Variants in DLC1 observed in about 807,000 individuals in gnomAD.
The protein encoded by DLC1 is rho GTPase-activating protein 7.
Under a neutral mutation model 140.3 loss-of-function variants are expected in DLC1, and 54 were observed. That is an observed-to-expected ratio of 0.38 (90% CI 0.31 to 0.48). The LOEUF is 0.48. Among genes scored for constraint, DLC1 ranks in the 20% least tolerant of loss-of-function variants. DLC1 has a pLI of 0.96. For missense variants in DLC1, 2,536 were observed against 1,907.0 expected, an observed-to-expected ratio of 1.33 and a Z score of -6.14; for synonymous variants, 986 against 728.1, an observed-to-expected ratio of 1.35 and a Z score of -5.70.
chr8:13,583,560 T>A (rs56844084), intron 1 of DLC1, among the ~76,000 whole-genome samples: 2 of 152,082 alleles, frequency 1.3e-5, no homozygotes, highest in Admixed American at 6.6e-5. Context: ...AATCAACTTT[T>A]TCCAATAGGT....
At chr8:13,535,556 C>T (rs1803248009) in intron 1 of DLC1, among the ~76,000 whole-genome samples, 1 of 150,806 alleles carries the variant, frequency 6.6e-6, no homozygotes, top group Non-Finnish European at 1.5e-5. Flanking sequence ...CAATTATTCT[C>T]TTCATAAAGT....
At chr8:13,385,228 G>C (rs1016293713) in intron 4 of DLC1, among the ~76,000 whole-genome samples, 1 of 152,122 alleles carries the variant, frequency 6.6e-6, no homozygotes, top group Non-Finnish European at 1.5e-5. Context: ...CTGATACAAA[G>C]ATAGGACCTT....
chr8:13,479,889 AAAAG>A (rs1442756364), intron 2 of DLC1, among the ~76,000 whole-genome samples: 26 of 145,570 alleles, frequency 1.8e-4, no homozygotes, highest in African/African-American at 6.8e-4. Context: ...GAAAGAAAGA[AAAAG>A]AAAGAAAGAA....
At chr8:13,481,706 T>C (rs1429632327) in intron 2 of DLC1, among the ~76,000 whole-genome samples, 1 of 152,200 alleles carries the variant, frequency 6.6e-6, no homozygotes, top group Non-Finnish European at 1.5e-5. Flanking sequence ...TGGACCCCTC[T>C]CCCAATTCTT....
At chr8:13,123,890 C>A (rs1158882378) in intron 5 of DLC1, among the ~76,000 whole-genome samples, 1 of 152,044 alleles carries the variant, frequency 6.6e-6, no homozygotes, top group Non-Finnish European at 1.5e-5. Context: ...TGACCAGGAT[C>A]CCCAATAGGA....
At chr8:13,439,349 C>T (rs902465299) in intron 2 of DLC1, among the ~76,000 whole-genome samples, 5 of 152,178 alleles carry the variant, frequency 3.3e-5, no homozygotes, top group Middle Eastern at 6.8e-3. Flanking sequence ...AAAACAAAAA[C>T]AGGCAGAGGG....
chr8:13,526,763 G>T (rs921789590), intron 1 of DLC1, among the ~76,000 whole-genome samples: 2 of 151,862 alleles, frequency 1.3e-5, no homozygotes, highest in African/African-American at 4.8e-5. Flanking sequence ...CACACACCAG[G>T]GCCTGCCAGG....
intron 4 of DLC1, among the ~76,000 whole-genome samples, chr8:13,322,975 A>C (rs1833185598): frequency 6.6e-6 from 1 of 152,188 alleles, no homozygotes; most frequent in Non-Finnish European, 1.5e-5. Flanking sequence ...TGTCATGAGG[A>C]TACTCAAGCA....
intron 5 of DLC1, among the ~76,000 whole-genome samples, chr8:13,204,555 C>T (rs1210180795): frequency 1.3e-5 from 2 of 152,096 alleles, no homozygotes; most frequent in Non-Finnish European, 2.9e-5. Context: ...AACTCTTTTA[C>T]TTCATACACA....
rs189840448 is a variant in DLC1, at chr8:13,243,106, A to G, written c.1348+62163T>C. Among the ~76,000 whole-genome samples the G allele has an allele frequency of 5.9e-3, 848 of 144,190 alleles. 3 individuals carry two copies. Among genetic ancestry groups the G allele is most frequent in the Non-Finnish European group, 8.1e-3 (548 of 67,980 alleles). The allele number at this position is 144,190 out of a possible 152,430, so 94.6% of individuals were successfully genotyped here. On this transcript the variant is annotated intron_variant, in intron 5 of 17. Transcript: ENST00000276297. ...GGAGTTCAAGACCACCCTGGCCAAC[A>G]TGGCAAAAACCCATCTCTACTAAAA...
intron 2 of DLC1, among the ~76,000 whole-genome samples, chr8:13,486,950 G>C (rs1345503535): frequency 6.6e-6 from 1 of 152,162 alleles, no homozygotes; most frequent in Non-Finnish European, 1.5e-5. Context: ...CTTAATGTAG[G>C]TACTGGTCAG....
chr8:13,349,927 C>G (rs547257206), intron 4 of DLC1, among the ~76,000 whole-genome samples: 3 of 152,312 alleles, frequency 2.0e-5, no homozygotes, highest in African/African-American at 4.8e-5. Flanking sequence ...TATGGACTCT[C>G]TCTTTTTCCT....
intron 3 of DLC1, among the ~76,000 whole-genome samples, chr8:13,398,315 C>T (rs1409576485): frequency 2.0e-5 from 3 of 151,944 alleles, no homozygotes; most frequent in Non-Finnish European, 4.4e-5. Flanking sequence ...TTCTCCCTAT[C>T]CACTAACAGC....
chr8:13,543,763 T>C (rs1479930627), intron 1 of DLC1, among the ~76,000 whole-genome samples: 1 of 152,142 alleles, frequency 6.6e-6, no homozygotes, highest in Non-Finnish European at 1.5e-5. Flanking sequence ...ATACTGTATG[T>C]TCTCATCTGT....
intron 5 of DLC1, among the ~76,000 whole-genome samples, chr8:13,192,326 T>A (rs1468172625): frequency 6.6e-6 from 1 of 152,162 alleles, no homozygotes; most frequent in African/African-American, 2.4e-5. Context: ...GGTGATGCCC[T>A]TTTTAAAAAT....
chr8:13,243,550 G>C (rs1829631865), intron 5 of DLC1, among the ~76,000 whole-genome samples: 1 of 152,156 alleles, frequency 6.6e-6, no homozygotes, highest in South Asian at 2.1e-4. Flanking sequence ...AGAGTACAAG[G>C]AAAGGGTTTG....
intron 7 of DLC1, among the ~76,000 whole-genome samples, chr8:13,106,599 T>C (rs892535036): frequency 6.6e-6 from 1 of 152,338 alleles, no homozygotes; most frequent in South Asian, 2.1e-4. Context: ...GATCCTCCCA[T>C]CTTGGCCTCC....
intron 5 of DLC1, among the ~76,000 whole-genome samples, chr8:13,169,125 T>C (rs1336447935): frequency 6.6e-6 from 1 of 152,180 alleles, no homozygotes; most frequent in Non-Finnish European, 1.5e-5. Context: ...ACTTGGAAAT[T>C]TGGGGGCTTT....
chr8:13,429,490 C>T lies in DLC1; in HGVS notation c.1024-27871G>A, dbSNP rs571551181. Among the ~76,000 whole-genome samples, 85 of 152,190 alleles carry T rather than the reference C, an allele frequency of 5.6e-4. 1 individual carries two copies. In the South Asian group the frequency reaches 0.017, roughly 30 times the overall value. On this transcript the variant is annotated intron_variant, in intron 2 of 17. Transcript: ENST00000276297. The stretch of plus-strand genomic sequence containing the variant: ...AGTGATTTGTAGTCGTTGAAAACCA[C>T]GGATATAGTGTAGGGAGAAGTAAAA...
Sources: gnomAD v4.1 joint callset for allele counts (sites outside exome capture counted in the v4.1 genomes callset) on GRCh38, gnomAD v4.1.1 for gene constraint, MANE v1.5 for transcripts, NCBI Gene and HGNC (gene_info 2026-07-23, HGNC 2026-07-21) for gene names.